Variants in PEPD observed in about 807,000 individuals in gnomAD.
PEPD encodes the protein xaa-Pro dipeptidase.
A neutral mutation model predicts 60.7 loss-of-function variants in PEPD; 53 were observed. The ratio of observed to expected loss-of-function variants is 0.87; its 90% CI spans 0.70 to 1.10. The LOEUF (loss-of-function observed/expected upper bound fraction) is 1.10. PEPD is among the 50% of genes least tolerant of loss of function. The probability of loss-of-function intolerance (pLI) is 0.00; values close to 1 mark genes in which losing one functional copy is unlikely to be tolerated. For missense variants in PEPD, 711 were observed against 711.9 expected, an observed-to-expected ratio of 1.00 and a Z score of 0.01; for synonymous variants, 267 against 284.1, an observed-to-expected ratio of 0.94 and a Z score of 0.60.
intron 6 of PEPD, among the ~76,000 whole-genome samples, chr19:33,487,561 C>T (rs897194688): frequency 4.6e-5 from 7 of 152,184 alleles, no homozygotes; most frequent in Non-Finnish European, 1.0e-4. Context: ...CAGCCCAAGG[C>T]GTAGGTGCGG....
chr19:33,473,500 A>G (rs2145290090), intron 7 of PEPD, among the ~76,000 whole-genome samples: 1 of 152,256 alleles, frequency 6.6e-6, no homozygotes, highest in East Asian at 1.9e-4. Context: ...GTTCTGTGTA[A>G]TTAACAGCTC....
At chr19:33,505,558 C>A (rs1970784033) in intron 3 of PEPD, among the ~76,000 whole-genome samples, 1 of 151,966 alleles carries the variant, frequency 6.6e-6, no homozygotes, top group Non-Finnish European at 1.5e-5. Context: ...CCCCGACACC[C>A]TGCCAATCAC....
At chr19:33,459,189 G>A (rs79551272) in intron 9 of PEPD, among the ~76,000 whole-genome samples, 1 of 152,020 alleles carries the variant, frequency 6.6e-6, no homozygotes, top group Non-Finnish European at 1.5e-5. Flanking sequence ...GCCACCACAC[G>A]GTACCCGTCA....
chr19:33,447,061 C>T (rs115050226), intron 9 of PEPD, among the ~76,000 whole-genome samples: 179 of 152,338 alleles, frequency 1.2e-3, no homozygotes, highest in African/African-American at 4.1e-3. Flanking sequence ...CTATGGTGCA[C>T]TTCGCCCTAG....
intron 13 of PEPD, among the ~76,000 whole-genome samples, 162 bp downstream of exon 13, chr19:33,391,133 T>A (rs768504001): frequency 2.6e-5 from 4 of 152,054 alleles, no homozygotes; most frequent in Non-Finnish European, 5.9e-5. Context: ...AGGGTCCCGA[T>A]TCCCCCCTCC....
chr19:33,423,130 T>A (rs953189413), intron 9 of PEPD, among the ~76,000 whole-genome samples: 3 of 152,228 alleles, frequency 2.0e-5, no homozygotes, highest in Non-Finnish European at 4.4e-5. Context: ...CATCCATCTA[T>A]CCAACCATCT....
At chr19:33,446,298 C>G (rs180823544) in intron 9 of PEPD, among the ~76,000 whole-genome samples, 1 of 152,308 alleles carries the variant, frequency 6.6e-6, no homozygotes, top group Non-Finnish European at 1.5e-5. Context: ...TTAAGAAGAG[C>G]TGCCAAGATA....
intron 7 of PEPD, among the ~76,000 whole-genome samples, chr19:33,467,751 C>T (rs150794414): frequency 1.3e-5 from 2 of 152,168 alleles, no homozygotes; most frequent in Non-Finnish European, 2.9e-5. Context: ...TCATGATAAC[C>T]TAGCTTTCCC....
chr19:33,409,098 C>T (rs1355184216), intron 11 of PEPD, among the ~76,000 whole-genome samples: 3 of 152,240 alleles, frequency 2.0e-5, no homozygotes, highest in Admixed American at 6.5e-5. Context: ...TGTGCTGTCC[C>T]GGAGGGCCGA....
chr19:33,509,172 G>A (rs1227276596), intron 3 of PEPD, among the ~76,000 whole-genome samples: 1 of 152,194 alleles, frequency 6.6e-6, no homozygotes, highest in Admixed American at 6.5e-5. Flanking sequence ...GATAAAGGTC[G>A]ACAATAAAGA....
chr19:33,486,660 C>G (rs572837593), intron 6 of PEPD, among the ~76,000 whole-genome samples: 1 of 152,286 alleles, frequency 6.6e-6, no homozygotes, highest in South Asian at 2.1e-4. Flanking sequence ...TGGCCCTGAT[C>G]TGGGGAGGTG....
chr19:33,427,273 A>G (rs1189098799), intron 9 of PEPD, among the ~76,000 whole-genome samples: 1 of 148,488 alleles, frequency 6.7e-6, no homozygotes, highest in Non-Finnish European at 1.5e-5. Context: ...TGGCATCTCT[A>G]GCATGTTCTG....
intron 11 of PEPD, among the ~76,000 whole-genome samples, chr19:33,410,949 G>A (rs1968750870): frequency 1.3e-5 from 2 of 152,090 alleles, no homozygotes; most frequent in African/African-American, 2.4e-5. Flanking sequence ...GCAGAGGCCA[G>A]GCTGCAAGTA....
chr19:33,408,395 C>G (rs764105106), intron 11 of PEPD, among the ~76,000 whole-genome samples: 1 of 152,252 alleles, frequency 6.6e-6, no homozygotes, highest in Non-Finnish European at 1.5e-5. Context: ...GTGGCCACTG[C>G]GAGAGAGGGA....
At chr19:33,507,534 G>A (rs768022020) in intron 3 of PEPD, among the ~76,000 whole-genome samples, 1 of 152,136 alleles carries the variant, frequency 6.6e-6, no homozygotes, top group Non-Finnish European at 1.5e-5. Flanking sequence ...TCCTGCAGAC[G>A]GGGGTGTCGT....
At chr19:33,401,668 A>C in intron 12 of PEPD, 53 bp downstream of exon 12, 1 of 1,545,370 alleles carries the variant, frequency 6.5e-7, no homozygotes, top group Admixed American at 1.8e-5. Flanking sequence ...GCCACATAGC[A>C]GCGCCCCCAA....
At chr19:33,504,090 T>C (rs896388457) in intron 3 of PEPD, among the ~76,000 whole-genome samples, 2 of 152,222 alleles carry the variant, frequency 1.3e-5, no homozygotes, top group African/African-American at 4.8e-5. Context: ...CAACTGTGCA[T>C]TGCATTCTCT....
chr19:33,399,813 C>T (rs1783519300), intron 12 of PEPD, among the ~76,000 whole-genome samples: 1 of 152,154 alleles, frequency 6.6e-6, no homozygotes, highest in African/African-American at 2.4e-5. Flanking sequence ...TTGGCAGCTG[C>T]CAGCTCTCTG....
rs3786904 is a variant in PEPD, at chr19:33,410,731, G to C, written c.818+941C>G. On this transcript the variant is annotated intron_variant, in intron 11 of 14. Transcript: ENST00000244137. ...GGGTGCATCTGCCATAGAAGAAAGGGCACCAAAGAACTGGGAGGGACAAGG... is the reference window on the plus strand; with the variant it reads ...GGGTGCATCTGCCATAGAAGAAAGGCCACCAAAGAACTGGGAGGGACAAGG... 5.8e-4 allele frequency among the ~76,000 whole-genome samples: 89 copies of C among 152,298 alleles called. No individual in the cohort carries two copies. In the East Asian group the frequency reaches 0.016, roughly 27 times the overall value.
Sources: gnomAD v4.1 joint callset for allele counts (sites outside exome capture counted in the v4.1 genomes callset) on GRCh38, gnomAD v4.1.1 for gene constraint, MANE v1.5 for transcripts, NCBI Gene and HGNC (gene_info 2026-07-23, HGNC 2026-07-21) for gene names.